The following FAF2 variants were observed in gnomAD, a reference collection of about 807,000 sequenced individuals.
FAF2 encodes the protein FAS-associated factor 2.
In FAF2, 9 loss-of-function variants were observed where a neutral mutation model predicts 62.3. That is an observed-to-expected ratio of 0.14 (90% CI 0.09 to 0.25). The LOEUF is 0.25. Among genes scored for constraint, FAF2 ranks in the 10% least tolerant of loss-of-function variants. The probability of loss-of-function intolerance (pLI) is 1.00; values close to 1 mark genes in which losing one functional copy is unlikely to be tolerated. For synonymous variants in FAF2, 202 were observed against 198.0 expected (o/e 1.02, Z -0.17); for missense variants, 368 against 556.2 (o/e 0.66, Z 3.40).
chr5:176,454,174 C>T (rs993694848), intron 1 of FAF2, among the ~76,000 whole-genome samples: 1 of 151,594 alleles, frequency 6.6e-6, no homozygotes, highest in Non-Finnish European at 1.5e-5. Context: ...AGGCAGATCA[C>T]TTGAGGCCAG....
At chr5:176,458,242 C>T (rs1404724384) in intron 1 of FAF2, among the ~76,000 whole-genome samples, 3 of 152,018 alleles carry the variant, frequency 2.0e-5, no homozygotes, top group Non-Finnish European at 4.4e-5. Context: ...CCACCACGCC[C>T]AGCTAATTTT....
intron 1 of FAF2, chr5:176,453,472 C>T (rs918980691): frequency 2.0e-5 from 3 of 152,002 alleles, no homozygotes; most frequent in Non-Finnish European, 2.9e-5. Context: ...ATAGCCTGAA[C>T]GCTGGGCTGT....
intron 5 of FAF2, 79 bp downstream of exon 5, chr5:176,492,411 C>T: frequency 4.2e-6 from 6 of 1,432,036 alleles, no homozygotes; most frequent in Non-Finnish European, 5.6e-6. Flanking sequence ...CAGCACTGAT[C>T]ATGTCCTTCT....
At position 176,484,602 on chromosome 5, in the gene FAF2, G is replaced by T. The variant is rs532262275; in HGVS notation, c.133-1753G>T. Among the ~76,000 whole-genome samples, 3 of 152,254 alleles carry T rather than the reference G, an allele frequency of 2.0e-5. No homozygotes were observed. In the South Asian group the frequency reaches 6.2e-4, roughly 32 times the overall value. ...GGAAATGTGTCCTTTAAGTGAAAAG[G>T]TTAAAGTTCCTGGCCAGCAGTGGCT... On this transcript the variant is annotated intron_variant, in intron 2 of 10. Transcript: ENST00000261942.
rs1755488953 is a variant in FAF2 at position 176,496,578 on chromosome 5, C to T, written c.754C>T (p.Leu252Phe). 6.2e-7 allele frequency: 1 copy of T among 1,612,784 alleles called. No individual in the cohort carries two copies. Among genetic ancestry groups the T allele is most frequent in the African/African-American group, 1.3e-5 (1 of 74,812 alleles). ...GACTGTGGTGGGACGGCTAGAAGGC[C>T]TCATTCAACCTGATGACCTCATTAA... is the stretch of plus-strand genomic sequence containing the variant. ...RMTVVGRLEG[L>F]IQPDDLINQL... The change falls in exon 8 of 11, where the codon CTC becomes TTC. Residue 252 changes from leucine to phenylalanine, a missense_variant. Coordinates refer to ENST00000261942, the MANE Select transcript of FAF2 (RefSeq NM_014613.3).
At chr5:176,461,780 C>G (rs1328967996) in intron 1 of FAF2, among the ~76,000 whole-genome samples, 1 of 151,988 alleles carries the variant, frequency 6.6e-6, no homozygotes, top group East Asian at 1.9e-4. Flanking sequence ...GTTTCTTTTA[C>G]TGTGTAGAAG....
intron 2 of FAF2, among the ~76,000 whole-genome samples, chr5:176,484,556 A>C (rs1758840231): frequency 6.6e-6 from 1 of 152,202 alleles, no homozygotes; most frequent in Admixed American, 6.5e-5. Context: ...CTGGCAACTC[A>C]GCTATGCTAG....
At chr5:176,478,705 T>G (rs1333153234) in intron 1 of FAF2, among the ~76,000 whole-genome samples, 1 of 152,200 alleles carries the variant, frequency 6.6e-6, no homozygotes, top group Non-Finnish European at 1.5e-5. Context: ...TTTGGAATAT[T>G]TACGTTTTAC....
chr5:176,479,984 C>T (rs946592240), intron 2 of FAF2, among the ~76,000 whole-genome samples: 4 of 152,098 alleles, frequency 2.6e-5, no homozygotes, highest in Non-Finnish European at 4.4e-5. Context: ...CGTGAGCCAC[C>T]GCGCCCGGCC....
chr5:176,485,012 A>G (rs938411897), intron 2 of FAF2, among the ~76,000 whole-genome samples: 1 of 152,218 alleles, frequency 6.6e-6, no homozygotes, highest in Non-Finnish European at 1.5e-5. Flanking sequence ...AAAGAAATTC[A>G]TAGTAGTTTT....
rs1561813498 is a variant in FAF2 at position 176,451,839 on chromosome 5, TATACACAC to T, written c.63+3373_63+3380del. 1.1e-3 allele frequency among the ~76,000 whole-genome samples: 26 copies of T among 22,748 alleles called. 3 individuals carry two copies. Among genetic ancestry groups the T allele is most frequent in the Non-Finnish European group, 2.3e-3 (25 of 11,098 alleles). 14.9% of individuals were successfully genotyped at this position (22,748 alleles called of 152,430 possible). A position where few individuals can be genotyped will look rare whatever the true frequency, so the allele number is the denominator to read the frequency against. ...ACATATATATATATACATATATATA[TATACACAC>T]ATATATATACACATATATATATACA... On this transcript the variant is annotated intron_variant, in intron 1 of 10. Coordinates refer to ENST00000261942, the MANE Select transcript of FAF2 (RefSeq NM_014613.3).
intron 5 of FAF2, 71 bp downstream of exon 5, chr5:176,492,403 G>A: frequency 1.4e-6 from 2 of 1,468,136 alleles, no homozygotes; most frequent in Non-Finnish European, 1.8e-6. Flanking sequence ...GCACAGCCCA[G>A]CACTGATCAT....
intron 8 of FAF2, 139 bp downstream of exon 8, chr5:176,496,802 A>T: frequency 1.7e-6 from 1 of 572,816 alleles, no homozygotes; most frequent in Non-Finnish European, 2.8e-6. Flanking sequence ...TATTGTCAAA[A>T]TATTTACATA....
Position 176,492,196 on chromosome 5 carries a change from T to A in FAF2, c.347T>A (p.Phe116Tyr). ...GATATTTATTCCTTCCTCCCCAGGTTTGCTCTTCGTTTTATACGGCCTGAC... is the reference window on the plus strand; with the variant it reads ...GATATTTATTCCTTCCTCCCCAGGTATGCTCTTCGTTTTATACGGCCTGAC... ...TYYTILDIFR[F>Y]ALRFIRPDPR... Residue 116 changes from phenylalanine to tyrosine, a missense_variant and splice_region_variant, in exon 5 of 11, where the codon TTT becomes TAT. Phe to Tyr is a conservative substitution (Grantham distance 22). This residue lies in a region of FAF2 where 331 missense variants were observed against 441.9 expected (regional missense o/e 0.75). Transcript: ENST00000261942. 1 of 1,614,178 alleles carries A rather than the reference T, an allele frequency of 6.2e-7. No homozygotes were observed. The highest frequency in any genetic ancestry group is 8.5e-7 in the Non-Finnish European group (1 of 1,180,036).
chr5:176,461,458 C>T (rs1758375671), intron 1 of FAF2, among the ~76,000 whole-genome samples: 1 of 151,250 alleles, frequency 6.6e-6, no homozygotes, highest in Non-Finnish European at 1.5e-5. Context: ...GCTGGGACTA[C>T]AGGTGTACAC....
intron 1 of FAF2, among the ~76,000 whole-genome samples, chr5:176,452,877 G>A (rs1413946594): frequency 6.6e-6 from 1 of 152,216 alleles, no homozygotes; most frequent in Non-Finnish European, 1.5e-5. Flanking sequence ...TGGAGTATGT[G>A]TTTGGAATCT....
chr5:176,470,599 T>C (rs888505767), intron 1 of FAF2, among the ~76,000 whole-genome samples: 2 of 152,158 alleles, frequency 1.3e-5, no homozygotes, highest in Non-Finnish European at 2.9e-5. Flanking sequence ...AATGAATAAA[T>C]AAACTTTACC....
intron 1 of FAF2, 60 bp downstream of exon 1, chr5:176,448,530 G>A: frequency 6.6e-7 from 1 of 1,509,432 alleles, no homozygotes; most frequent in South Asian, 1.2e-5. Context: ...GGCCCCTAGA[G>A]GAGTTCAGAA....
At chr5:176,454,341 C>T (rs993745891) in intron 1 of FAF2, among the ~76,000 whole-genome samples, 4 of 151,880 alleles carry the variant, frequency 2.6e-5, no homozygotes, top group East Asian at 3.9e-4. Flanking sequence ...TGCAGTGAGC[C>T]GAGATCGTGC....
Sources: allele counts gnomAD v4.1 joint callset (sites outside exome capture counted in the v4.1 genomes callset), GRCh38; gene constraint gnomAD v4.1.1; regional missense constraint gnomAD v4.1.1; transcripts MANE v1.5; gene names NCBI Gene and HGNC (gene_info 2026-07-23, HGNC 2026-07-21).